MYL4: variants seen among roughly 807,000 people sequenced by gnomAD.
The protein encoded by MYL4 is atrial myosin light chain 1.
Under a neutral mutation model 21.6 loss-of-function variants are expected in MYL4, and 16 were observed. The observed-to-expected ratio is 0.74, with a 90% CI of 0.50 to 1.12. The LOEUF (loss-of-function observed/expected upper bound fraction) is 1.12. Among genes scored for constraint, MYL4 ranks in the 50% most tolerant of loss-of-function variants. The pLI is 0.00. For missense variants in MYL4, 249 were observed against 252.9 expected (o/e 0.98, Z 0.11); for synonymous variants, 82 against 95.7 (o/e 0.86, Z 0.83).
chr17:47,214,590 A>G (rs939283455), intron 2 of MYL4, among the ~76,000 whole-genome samples: 1 of 152,268 alleles, frequency 6.6e-6, no homozygotes, highest in African/African-American at 2.4e-5. Context: ...ATATTTGCAC[A>G]TGGTAAAACA....
chr17:47,196,981 A>G (rs2064691088), upstream of MYL4, among the ~76,000 whole-genome samples: 2 of 151,810 alleles, frequency 1.3e-5, no homozygotes, highest in Non-Finnish European at 1.5e-5. Context: ...TGATGATTGA[A>G]TGACTTGATG....
chr17:47,204,012 A>C (rs1381806790), intron 1 of MYL4, among the ~76,000 whole-genome samples: 1 of 152,234 alleles, frequency 6.6e-6, no homozygotes, highest in Non-Finnish European at 1.5e-5. Flanking sequence ...CTGGAAATTT[A>C]GAGGGCTAAG....
intron 2 of MYL4, among the ~76,000 whole-genome samples, chr17:47,218,305 C>T (rs114088071): frequency 0.016 from 2,363 of 152,234 alleles, 53 homozygotes; most frequent in African/African-American, 0.054. Context: ...CCATACGCAG[C>T]CTCGAAGGAA....
chr17:47,201,257 T>C (rs1325915134), intron 1 of MYL4, among the ~76,000 whole-genome samples: 3 of 152,168 alleles, frequency 2.0e-5, no homozygotes, highest in African/African-American at 7.2e-5. Context: ...TTCCCCTCCT[T>C]TTCTGCTTTC....
upstream of MYL4, among the ~76,000 whole-genome samples, chr17:47,204,407 T>C (rs553792136): frequency 1.3e-3 from 202 of 152,298 alleles, no homozygotes; most frequent in African/African-American, 4.8e-3. Context: ...TAGGGAGCCA[T>C]GGTCACAGTA....
intron 6 of MYL4, 59 bp downstream of exon 6, chr17:47,223,116 C>T (rs1452708497): frequency 2.6e-6 from 4 of 1,564,702 alleles, no homozygotes; most frequent in East Asian, 2.2e-5. Context: ...TTAAGAATAA[C>T]ACCATGTGCC....
chr17:47,199,961 G>A (rs954191947), upstream of MYL4, among the ~76,000 whole-genome samples: 8 of 150,672 alleles, frequency 5.3e-5, no homozygotes, highest in Admixed American at 2.6e-4. Context: ...GGCAGGTCTC[G>A]AATTCCTGGG....
upstream of MYL4, among the ~76,000 whole-genome samples, chr17:47,199,912 G>GT (rs199699936): frequency 0.043 from 6,436 of 149,346 alleles, 184 homozygotes; most frequent in Admixed American, 0.055. Context: ...ATTTTTGTGG[G>GT]TTTTTTTTTG....
chr17:47,202,233 G>A (rs2149038323), intron 1 of MYL4, among the ~76,000 whole-genome samples: 1 of 152,302 alleles, frequency 6.6e-6, no homozygotes, highest in East Asian at 1.9e-4. Context: ...TGATCCACCT[G>A]CCTTGGCCTC....
In MYL4 at chr17:47,217,973, G is replaced by A. The variant is rs1441758525; in HGVS notation, c.164-1931G>A. Among the ~76,000 whole-genome samples, 10 of 151,528 alleles carry A rather than the reference G, an allele frequency of 6.6e-5. No homozygotes were observed. The East Asian group carries it at 7.7e-4, about 12-fold the overall frequency. The stretch of plus-strand genomic sequence containing the variant: ...AGGAGAATCGCTTGAACCGGGAGGC[G>A]GAGGTTGCAGTGAGCCGAAATCGCG... On this transcript the variant is annotated intron_variant, in intron 2 of 6. Coordinates refer to ENST00000393450, the MANE Select transcript of MYL4 (RefSeq NM_002476.2).
chr17:47,209,305 C>A, upstream of MYL4: 4 of 1,390,090 alleles, frequency 2.9e-6, no homozygotes, highest in South Asian at 1.2e-5. Context: ...TCTGTGGGGG[C>A]TCCTGCCCAG....
downstream of MYL4, among the ~76,000 whole-genome samples, chr17:47,224,658 A>G (rs1458721106): frequency 6.6e-6 from 1 of 152,202 alleles, no homozygotes; most frequent in Non-Finnish European, 1.5e-5. Flanking sequence ...ACTTAGCACA[A>G]TGTCCTCGTG....
the MYL4 span, among the ~76,000 whole-genome samples, chr17:47,191,696 C>G: frequency 6.6e-6 from 1 of 152,178 alleles, no homozygotes. Context: ...GTCTCAAACT[C>G]CTGATCTCAT....
upstream of MYL4, among the ~76,000 whole-genome samples, chr17:47,196,076 T>G (rs1173476655): frequency 6.6e-6 from 1 of 152,232 alleles, no homozygotes; most frequent in Non-Finnish European, 1.5e-5. Flanking sequence ...TCCTCAAAAT[T>G]CATATGTTGA....
chr17:47,201,329 T>A (rs113960885), intron 1 of MYL4, among the ~76,000 whole-genome samples: 1 of 152,298 alleles, frequency 6.6e-6, no homozygotes, highest in Admixed American at 6.5e-5. Flanking sequence ...GCTTTTTTTT[T>A]CCTCCCTCCT....
At chr17:47,227,186 T>G (rs993007310), downstream of MYL4, among the ~76,000 whole-genome samples, 3 of 152,136 alleles carry the variant, frequency 2.0e-5, no homozygotes, top group Non-Finnish European at 2.9e-5. Flanking sequence ...CAAACCTCCT[T>G]GGGAACCAGT....
Position 47,209,459 on chromosome 17 carries a change from G to C in MYL4, c.37G>C (p.Ala13Pro). 6.2e-7 allele frequency: 1 copy of C among 1,614,204 alleles called. No individual in the cohort carries two copies. Among genetic ancestry groups the C allele is most frequent in the African/African-American group, 1.3e-5 (1 of 75,052 alleles). Residue 13 changes from alanine (A) to proline (P), a missense_variant, in exon 1 of 7, where the codon GCC becomes CCC. Coordinates refer to ENST00000393450, the MANE Select transcript of MYL4 (RefSeq NM_002476.2). Reference sequence around the variant, plus strand: ...GAAGCCTGAGCCTAAGAAGGAGGCAGCCAAGCCAGCTCCAGCTCCAGCTCC... The same window carrying C: ...GAAGCCTGAGCCTAAGAAGGAGGCACCCAAGCCAGCTCCAGCTCCAGCTCC... ...PKKPEPKKEA[A>P]KPAPAPAPAP...
chr17:47,208,188 G>A (rs1324015998), upstream of MYL4, among the ~76,000 whole-genome samples: 1 of 152,196 alleles, frequency 6.6e-6, no homozygotes, highest in Non-Finnish European at 1.5e-5. Context: ...ACCGAGGCTA[G>A]TGGATCCCTT....
At chr17:47,227,002 G>A (rs981465890), downstream of MYL4, among the ~76,000 whole-genome samples, 1 of 152,014 alleles carries the variant, frequency 6.6e-6, no homozygotes, top group Admixed American at 6.5e-5. Flanking sequence ...TTACAGGTGC[G>A]CGCCACCACA....
Sources: gnomAD v4.1 joint callset for allele counts (sites outside exome capture counted in the v4.1 genomes callset) on GRCh38, gnomAD v4.1.1 for gene constraint, MANE v1.5 for transcripts, NCBI Gene and HGNC (gene_info 2026-07-23, HGNC 2026-07-21) for gene names.